Variants in FAM47E observed in about 807,000 individuals in gnomAD.
The protein encoded by FAM47E is protein FAM47E.
A neutral mutation model predicts 41.6 loss-of-function variants in FAM47E; 32 were observed. The observed-to-expected ratio is 0.77, with a 90% CI of 0.58 to 1.03. The LOEUF is 1.03. FAM47E is among the 50% of genes least tolerant of loss of function. The probability of loss-of-function intolerance (pLI) is 0.00; values close to 1 mark genes in which losing one functional copy is unlikely to be tolerated. For synonymous variants in FAM47E, 184 were observed against 188.7 expected (o/e 0.98, Z 0.20); for missense variants, 424 against 485.4 (o/e 0.87, Z 1.19).
At chr4:76,231,721 T>G (rs903720595) in intron 2 of FAM47E, among the ~76,000 whole-genome samples, 1 of 152,220 alleles carries the variant, frequency 6.6e-6, no homozygotes, top group Non-Finnish European at 1.5e-5. Flanking sequence ...AGCCCAGGCA[T>G]GGGTTTATCC....
intron 6 of FAM47E, 27 bp downstream of exon 6, chr4:76,278,251 A>T: frequency 2.0e-6 from 3 of 1,491,644 alleles, no homozygotes; most frequent in Non-Finnish European, 2.7e-6. Context: ...AGATTTGATC[A>T]TCTGAGCTTC....
intron 2 of FAM47E, among the ~76,000 whole-genome samples, chr4:76,256,943 G>A: frequency 6.6e-6 from 1 of 152,144 alleles, no homozygotes; most frequent in East Asian, 1.9e-4. Flanking sequence ...ACTAATGGGT[G>A]GAAAGAATGA....
In FAM47E at chr4:76,280,252, G is replaced by C. The variant is rs1350085582; in HGVS notation, c.1027-12G>C. On this transcript the variant is annotated splice_polypyrimidine_tract_variant and intron_variant, in intron 6 of 7. Coordinates refer to ENST00000424749, the MANE Select transcript of FAM47E (RefSeq NM_001136570.3). Reference sequence around the variant, plus strand: ...GGCTGACCCCTTTCTTCAAATGTGGGTACTCTTTTAGGAGGAGTTACTTGC... The same window carrying C: ...GGCTGACCCCTTTCTTCAAATGTGGCTACTCTTTTAGGAGGAGTTACTTGC... 2.0e-6 allele frequency: 3 copies of C among 1,529,278 alleles called. No individual in the cohort carries two copies. The highest frequency in any genetic ancestry group is 1.8e-6 in the Non-Finnish European group (2 of 1,128,706). The allele number at this position is 1,529,278 out of a possible 1,614,324, so 94.7% of individuals were successfully genotyped here. A position where few individuals can be genotyped will look rare whatever the true frequency, so the allele number is the denominator to read the frequency against.
intron 5 of FAM47E, among the ~76,000 whole-genome samples, chr4:76,273,051 A>G (rs772062096): frequency 6.6e-6 from 1 of 152,196 alleles, no homozygotes; most frequent in Non-Finnish European, 1.5e-5. Flanking sequence ...TGTAGGGGTT[A>G]TGTTCCAAGA....
intron 1 of FAM47E, among the ~76,000 whole-genome samples, chr4:76,255,748 G>A (rs1357933625): frequency 6.6e-6 from 1 of 152,142 alleles, no homozygotes; most frequent in Non-Finnish European, 1.5e-5. Flanking sequence ...GATTTACATA[G>A]AGTGACATGG....
At chr4:76,243,839 C>G (rs912968497) in intron 2 of FAM47E, among the ~76,000 whole-genome samples, 5 of 152,118 alleles carry the variant, frequency 3.3e-5, no homozygotes, top group Admixed American at 1.3e-4. Flanking sequence ...GTTTGCTGCA[C>G]CCATCAACCC....
intron 5 of FAM47E, among the ~76,000 whole-genome samples, chr4:76,273,561 A>G (rs1253193982): frequency 6.6e-6 from 1 of 152,028 alleles, no homozygotes; most frequent in Non-Finnish European, 1.5e-5. Context: ...TCTCTTTGTC[A>G]CTGGTTTTGA....
upstream of FAM47E, among the ~76,000 whole-genome samples, chr4:76,249,986 GTTTT>G: frequency 1.3e-5 from 2 of 152,066 alleles, no homozygotes; most frequent in Non-Finnish European, 2.9e-5. Flanking sequence ...TGGTTCCATA[GTTTT>G]GCAACTGCAA....
chr4:76,230,529 G>A (rs1488609625), intron 2 of FAM47E, among the ~76,000 whole-genome samples: 3 of 152,168 alleles, frequency 2.0e-5, no homozygotes, highest in Non-Finnish European at 4.4e-5. Flanking sequence ...GCTTCTTTCT[G>A]CAGCAGTTCC....
intron 3 of FAM47E, among the ~76,000 whole-genome samples, chr4:76,264,771 CT>C (rs1170615956): frequency 6.6e-6 from 1 of 152,078 alleles, no homozygotes; most frequent in Non-Finnish European, 1.5e-5. Context: ...AATCTTTGTA[CT>C]TTTGGTAGAG....
chr4:76,257,800 C>T (rs1238520843), intron 2 of FAM47E, among the ~76,000 whole-genome samples: 1 of 152,116 alleles, frequency 6.6e-6, no homozygotes, highest in Non-Finnish European at 1.5e-5. Context: ...CCCTACTTTT[C>T]ACTGTAGCAC....
intron 2 of FAM47E, among the ~76,000 whole-genome samples, chr4:76,258,992 T>C (rs71607346): frequency 0.13 from 19,672 of 152,188 alleles, 1,578 homozygotes; most frequent in East Asian, 0.32. Flanking sequence ...AGTGTTATTT[T>C]GGATGTGTCT....
intron 2 of FAM47E, among the ~76,000 whole-genome samples, chr4:76,219,249 A>G (rs1414898135): frequency 6.6e-6 from 1 of 152,238 alleles, no homozygotes; most frequent in African/African-American, 2.4e-5. Flanking sequence ...GTGGGAGACA[A>G]TGCCTCTGCC....
intron 5 of FAM47E, among the ~76,000 whole-genome samples, chr4:76,274,834 T>C (rs1735030161): frequency 6.6e-6 from 1 of 152,166 alleles, no homozygotes; most frequent in African/African-American, 2.4e-5. Flanking sequence ...CCTGGAGTTC[T>C]CTCTCTGTGC....
At chr4:76,254,663 G>GT (rs369824238) in intron 1 of FAM47E, among the ~76,000 whole-genome samples, 125 of 152,278 alleles carry the variant, frequency 8.2e-4, no homozygotes, top group African/African-American at 2.8e-3. Context: ...GTAGCAATGG[G>GT]TGTAGCAAGG....
intron 2 of FAM47E, among the ~76,000 whole-genome samples, chr4:76,220,629 A>C (rs1221909146): frequency 6.6e-6 from 1 of 152,174 alleles, no homozygotes; most frequent in Non-Finnish European, 1.5e-5. Flanking sequence ...TCTCTTAAAG[A>C]AAGAATGAAG....
chr4:76,258,150 G>A (rs542391101), intron 2 of FAM47E, among the ~76,000 whole-genome samples: 44 of 152,316 alleles, frequency 2.9e-4, no homozygotes, highest in African/African-American at 7.9e-4. Flanking sequence ...CTGCAAATAG[G>A]TGTGTTGGCT....
chr4:76,229,689 A>AGGC (rs1733460605), intron 2 of FAM47E, among the ~76,000 whole-genome samples: 1 of 152,176 alleles, frequency 6.6e-6, no homozygotes, highest in Non-Finnish European at 1.5e-5. Context: ...GATGTGATCC[A>AGGC]TCTTCAGGTT....
At chr4:76,216,565 C>T (rs1337108024) in intron 1 of FAM47E, among the ~76,000 whole-genome samples, 2 of 152,144 alleles carry the variant, frequency 1.3e-5, no homozygotes, top group Non-Finnish European at 1.5e-5. Flanking sequence ...AGGACAGTAA[C>T]AGACTGTGGG....
Sources: allele counts gnomAD v4.1 joint callset (sites outside exome capture counted in the v4.1 genomes callset), GRCh38; gene constraint gnomAD v4.1.1; transcripts MANE v1.5; gene names NCBI Gene and HGNC (gene_info 2026-07-23, HGNC 2026-07-21).